The following PRMT7 variants were observed in gnomAD, a reference collection of about 807,000 sequenced individuals.
PRMT7 encodes the protein protein arginine N-methyltransferase 7.
Under a neutral mutation model 85.4 loss-of-function variants are expected in PRMT7, and 75 were observed. The observed-to-expected ratio is 0.88, with a 90% CI of 0.73 to 1.06. The LOEUF (loss-of-function observed/expected upper bound fraction) is 1.06, where lower values mean the gene tolerates loss of function less well. PRMT7 is among the 50% of genes least tolerant of loss of function. The probability of loss-of-function intolerance (pLI) is 0.00; values close to 1 mark genes in which losing one functional copy is unlikely to be tolerated. For missense variants in PRMT7, 868 were observed against 915.2 expected (o/e 0.95, Z 0.67); for synonymous variants, 397 against 359.5 (o/e 1.10, Z -1.18).
chr16:68,325,497 A>T (rs2083002268), intron 5 of PRMT7, among the ~76,000 whole-genome samples: 1 of 150,214 alleles, frequency 6.7e-6, no homozygotes, highest in African/African-American at 2.5e-5. Context: ...TCTCAAAAAA[A>T]TCAAAACGAA....
intron 9 of PRMT7, among the ~76,000 whole-genome samples, chr16:68,345,009 A>G (rs1475839727): frequency 2.9e-5 from 4 of 140,038 alleles, no homozygotes; most frequent in African/African-American, 8.2e-5. Flanking sequence ...AGTAAGTTGC[A>G]GACATCTGAC....
chr16:68,335,594 T>C (rs2084551483), intron 6 of PRMT7, among the ~76,000 whole-genome samples: 2 of 151,912 alleles, frequency 1.3e-5, no homozygotes, highest in South Asian at 4.2e-4. Flanking sequence ...GTGCTTTTTT[T>C]TTTTTATCTT....
chr16:68,356,671 A>G, intron 17 of PRMT7, 30 bp from the exon 18 acceptor site: 2 of 1,569,390 alleles, frequency 1.3e-6, no homozygotes, highest in Non-Finnish European at 1.7e-6. Context: ...TTGTGTGACT[A>G]CTTCTGCTGG....
chr16:68,356,582 C>T (rs558371196), intron 17 of PRMT7, 119 bp from the exon 18 acceptor site: 31 of 734,272 alleles, frequency 4.2e-5, no homozygotes, highest in Admixed American at 3.3e-4. Context: ...TAGGAACTCC[C>T]GGCAGGGCAG....
intron 6 of PRMT7, among the ~76,000 whole-genome samples, chr16:68,336,022 CCATCT>C (rs2084635453): frequency 6.6e-6 from 1 of 152,120 alleles, no homozygotes; most frequent in Non-Finnish European, 1.5e-5. Context: ...GGTGATCTGC[CCATCT>C]CAGCCTCCCA....
At chr16:68,355,658 G>A (rs2088274177) in intron 16 of PRMT7, 65 bp from the exon 17 acceptor site, 2 of 1,407,506 alleles carry the variant, frequency 1.4e-6, no homozygotes, top group Non-Finnish European at 1.9e-6. Flanking sequence ...GCCAAGCCGG[G>A]GAGCGGTACC....
At position 68,337,448 on chromosome 16, in the gene PRMT7, G is replaced by C; in HGVS notation, c.392-11G>C. ...TGCTTATGTCCAACTCTGTTTTCTT[G>C]TGTTTTTCAGAGGGTGACATGCCAT... On this transcript the variant is annotated splice_polypyrimidine_tract_variant and intron_variant, in intron 6 of 18. Coordinates refer to ENST00000441236, the MANE Select transcript of PRMT7 (RefSeq NM_019023.5). 1 of 1,589,264 alleles carries C rather than the reference G, an allele frequency of 6.3e-7. No homozygotes were observed. The highest frequency in any genetic ancestry group is 8.6e-7 in the Non-Finnish European group (1 of 1,163,512).
chr16:68,341,502 C>T (rs984424031), intron 9 of PRMT7, among the ~76,000 whole-genome samples: 5 of 152,128 alleles, frequency 3.3e-5, no homozygotes, highest in East Asian at 1.9e-4. Context: ...CTCTACCTCC[C>T]GGGTTCAAGC....
chr16:68,329,981 C>T (rs1214315430), intron 6 of PRMT7, among the ~76,000 whole-genome samples: 1 of 152,118 alleles, frequency 6.6e-6, no homozygotes, highest in Non-Finnish European at 1.5e-5. Context: ...GCATCCTCCA[C>T]CTCCTGGGTA....
chr16:68,345,867 CA>C, intron 10 of PRMT7, 65 bp downstream of exon 10: 1 of 1,602,572 alleles, frequency 6.2e-7, no homozygotes, highest in East Asian at 2.2e-5. Flanking sequence ...TCCCCATTTA[CA>C]GATCCTCTGG....
intron 12 of PRMT7, 41 bp from the exon 13 acceptor site, chr16:68,347,590 A>T: frequency 6.3e-7 from 1 of 1,585,296 alleles, no homozygotes; most frequent in Non-Finnish European, 8.7e-7. Flanking sequence ...CTTCTCTGTT[A>T]AGTGAATATC....
rs567769352 is a variant in PRMT7, at chr16:68,353,251, G to C, written c.1576-241G>C. On this transcript the variant is annotated intron_variant, in intron 15 of 18. Coordinates refer to ENST00000441236, the MANE Select transcript of PRMT7 (RefSeq NM_019023.5). ...TAGGAGTGTGCAGCCCCCAGCCTAG[G>C]AGCTCTGGCCGACTGTCCCTTATAG... 1.8e-5 allele frequency: 13 copies of C among 706,172 alleles called. No homozygotes were observed. In the African/African-American group the frequency reaches 2.3e-4, roughly 12 times the overall value. 43.7% of individuals were successfully genotyped at this position (706,172 alleles called of 1,614,324 possible). A position where few individuals can be genotyped will look rare whatever the true frequency, so the allele number is the denominator to read the frequency against.
At chr16:68,317,919 C>A (rs1358521923) in intron 3 of PRMT7, among the ~76,000 whole-genome samples, 1 of 151,538 alleles carries the variant, frequency 6.6e-6, no homozygotes, top group Non-Finnish European at 1.5e-5. Flanking sequence ...GAGTGTGGTA[C>A]AAAAGTACTA....
At chr16:68,347,151 A>C in intron 11 of PRMT7, 60 bp from the exon 12 acceptor site, 1 of 1,481,790 alleles carries the variant, frequency 6.7e-7, no homozygotes, top group Admixed American at 2.0e-5. Flanking sequence ...ACAGCTTGCC[A>C]GCAGGAATCT....
intron 17 of PRMT7, 129 bp downstream of exon 17, chr16:68,356,012 C>T (rs920068121): frequency 1.9e-6 from 2 of 1,065,660 alleles, no homozygotes; most frequent in African/African-American, 1.6e-5. Context: ...TCCCCACAAC[C>T]TTGCCCTTCC....
intron 8 of PRMT7, 21 bp from the exon 9 acceptor site, chr16:68,339,767 T>C (rs770206249): frequency 6.2e-7 from 1 of 1,608,240 alleles, no homozygotes; most frequent in Admixed American, 1.7e-5. Flanking sequence ...TCTGCTTACA[T>C]TCTTGAATAT....
At chr16:68,324,300 C>G (rs1031659316) in intron 4 of PRMT7, 14 of 200,122 alleles carry the variant, frequency 7.0e-5, no homozygotes, top group Middle Eastern at 3.9e-3. Context: ...ATCAACTGCC[C>G]CTACCGAGAG....
chr16:68,312,357 G>A (rs1248180257), intron 2 of PRMT7, among the ~76,000 whole-genome samples, 181 bp downstream of exon 2: 1 of 151,342 alleles, frequency 6.6e-6, no homozygotes, highest in Non-Finnish European at 1.5e-5. Flanking sequence ...CGAGTAGCTG[G>A]GAGTAACTGG....
intron 5 of PRMT7, among the ~76,000 whole-genome samples, chr16:68,325,549 C>A (rs1239504444): frequency 1.3e-5 from 2 of 151,700 alleles, no homozygotes; most frequent in African/African-American, 4.8e-5. Context: ...AATCCCAGCA[C>A]TTTGGGAGGC....
Sources: allele counts gnomAD v4.1 joint callset (sites outside exome capture counted in the v4.1 genomes callset), GRCh38; gene constraint gnomAD v4.1.1; transcripts MANE v1.5; gene names NCBI Gene and HGNC (gene_info 2026-07-23, HGNC 2026-07-21).